Variants in INPP4B observed in about 807,000 individuals in gnomAD.
The protein encoded by INPP4B is inositol polyphosphate-4-phosphatase type II B.
Under a neutral mutation model 122.5 loss-of-function variants are expected in INPP4B, and 55 were observed. That is an observed-to-expected ratio of 0.45 (90% CI 0.36 to 0.56). The LOEUF (loss-of-function observed/expected upper bound fraction) is 0.56. INPP4B is among the 20% of genes least tolerant of loss of function. INPP4B has a pLI of 0.00. For synonymous variants in INPP4B, 403 were observed against 388.7 expected, an observed-to-expected ratio of 1.04 and a Z score of -0.43; for missense variants, 1,000 against 1,097.7, an observed-to-expected ratio of 0.91 and a Z score of 1.26.
chr4:142,346,954 C>T (rs187360431), intron 7 of INPP4B, among the ~76,000 whole-genome samples: 37 of 152,050 alleles, frequency 2.4e-4, no homozygotes, highest in Admixed American at 5.2e-4. Context: ...GGTGAAGATG[C>T]CAGGCATACT....
intron 1 of INPP4B, among the ~76,000 whole-genome samples, chr4:142,733,112 A>C (rs911290032): frequency 6.6e-6 from 1 of 152,170 alleles, no homozygotes; most frequent in African/African-American, 2.4e-5. Flanking sequence ...AATGAATTAC[A>C]TATCAATTTG....
intron 6 of INPP4B, among the ~76,000 whole-genome samples, chr4:142,404,745 G>A (rs921060755): frequency 2.6e-5 from 4 of 151,832 alleles, no homozygotes; most frequent in Non-Finnish European, 2.9e-5. Flanking sequence ...GAATACCGGG[G>A]GGAAAAAAAG....
intron 7 of INPP4B, among the ~76,000 whole-genome samples, chr4:142,358,666 A>AC (rs1225527926): frequency 6.6e-6 from 1 of 151,210 alleles, no homozygotes; most frequent in African/African-American, 2.4e-5. Context: ...AAAAAAAAAA[A>AC]AAAAACTCCC....
intron 21 of INPP4B, among the ~76,000 whole-genome samples, chr4:142,120,345 T>A (rs1796053872): frequency 6.6e-6 from 1 of 152,060 alleles, no homozygotes; most frequent in African/African-American, 2.4e-5. Flanking sequence ...AAATTTTAGG[T>A]TAGGCTTGCC....
At chr4:142,478,274 C>A (rs1404951311) in intron 2 of INPP4B, among the ~76,000 whole-genome samples, 3 of 152,130 alleles carry the variant, frequency 2.0e-5, no homozygotes, top group Non-Finnish European at 2.9e-5. Flanking sequence ...ATTTCTTTCT[C>A]TTACTTATTG....
At chr4:142,307,480 T>C (rs1459983504) in intron 8 of INPP4B, among the ~76,000 whole-genome samples, 2 of 152,220 alleles carry the variant, frequency 1.3e-5, no homozygotes, top group African/African-American at 2.4e-5. Context: ...AGGTATCTGG[T>C]ACATATTTAC....
intron 1 of INPP4B, among the ~76,000 whole-genome samples, chr4:142,804,160 T>C (rs149056903): frequency 8.7e-4 from 132 of 152,190 alleles, no homozygotes; most frequent in African/African-American, 3.1e-3. Flanking sequence ...TGACCAGATA[T>C]GGCTTATTCT....
Position 142,027,342 on chromosome 4 carries a change from C to CATA in INPP4B, c.*1437_*1439dup, listed in dbSNP as rs1240435514. The stretch of plus-strand genomic sequence containing the variant: ...GAGCTATCACATTAGCTATGGGAAG[C>CATA]ATAATATCATCCATTGATCATAGCT... On this transcript the variant is annotated 3_prime_UTR_variant, in exon 26 of 26. Coordinates refer to ENST00000262992, the MANE Select transcript of INPP4B (RefSeq NM_001101669.3). The CATA allele has an allele frequency of 1.3e-5, 2 of 152,168 alleles. No individual in the cohort carries two copies. The highest frequency in any genetic ancestry group is 2.9e-5 in the Non-Finnish European group (2 of 68,030). The allele number at this position is 152,168 out of a possible 1,614,324, so 9.4% of individuals were successfully genotyped here.
At chr4:142,557,372 G>A (rs1729440099) in intron 2 of INPP4B, among the ~76,000 whole-genome samples, 1 of 152,162 alleles carries the variant, frequency 6.6e-6, no homozygotes, top group Non-Finnish European at 1.5e-5. Context: ...CAGACTCACT[G>A]TAAAGAATTA....
chr4:142,683,998 T>C (rs2150694178), intron 2 of INPP4B, among the ~76,000 whole-genome samples: 1 of 152,088 alleles, frequency 6.6e-6, no homozygotes, highest in South Asian at 2.1e-4. Context: ...CATGGTGTGT[T>C]CCAGGACTAG....
At chr4:142,086,914 C>T (rs568101380) in intron 23 of INPP4B, among the ~76,000 whole-genome samples, 1 of 151,870 alleles carries the variant, frequency 6.6e-6, no homozygotes, top group Non-Finnish European at 1.5e-5. Flanking sequence ...CCTTTTTTTG[C>T]CATTGAGTAG....
chr4:142,459,632 G>C (rs1816290726), intron 3 of INPP4B, among the ~76,000 whole-genome samples: 1 of 152,108 alleles, frequency 6.6e-6, no homozygotes, highest in South Asian at 2.1e-4. Flanking sequence ...ATTCAGTCTG[G>C]CTAGAATCTC....
intron 1 of INPP4B, among the ~76,000 whole-genome samples, chr4:142,815,060 G>T (rs1779959879): frequency 6.6e-6 from 1 of 152,114 alleles, no homozygotes; most frequent in Non-Finnish European, 1.5e-5. Context: ...GATGTGAGGA[G>T]ACTGACATTT....
chr4:142,509,375 C>T (rs927523516), intron 2 of INPP4B, among the ~76,000 whole-genome samples: 1 of 152,138 alleles, frequency 6.6e-6, no homozygotes, highest in African/African-American at 2.4e-5. Flanking sequence ...TATCCCTCCC[C>T]TTGCCCCCCA....
chr4:142,598,923 T>G lies in INPP4B; in HGVS notation c.-191+126916A>C, dbSNP rs138691255. Reference sequence around the variant, plus strand: ...CCTGTTTGGGGCTGGGAGTGCCAAGTGCACCCTTGCTGGTTGCATGGCCTC... The same window carrying G: ...CCTGTTTGGGGCTGGGAGTGCCAAGGGCACCCTTGCTGGTTGCATGGCCTC... On this transcript the variant is annotated intron_variant, in intron 2 of 25. Coordinates refer to ENST00000262992, the MANE Select transcript of INPP4B (RefSeq NM_001101669.3). Among the ~76,000 whole-genome samples the G allele has an allele frequency of 2.7e-3, 404 of 152,282 alleles. 6 individuals carry two copies. The highest frequency in any genetic ancestry group is 0.018 in the East Asian group (94 of 5,170).
rs558145432 is a variant in INPP4B at position 142,453,316 on chromosome 4, C to G, written c.-127+9347G>C. Among the ~76,000 whole-genome samples, 3 of 152,170 alleles carry G rather than the reference C, an allele frequency of 2.0e-5. 1 individual carries two copies. Among genetic ancestry groups the G allele is most frequent in the Non-Finnish European group, 4.4e-5 (3 of 67,992 alleles). On this transcript the variant is annotated intron_variant, in intron 3 of 25. Coordinates refer to ENST00000262992, the MANE Select transcript of INPP4B (RefSeq NM_001101669.3). Reference sequence around the variant, plus strand: ...ACTAAAATTGAAGCTTTGATTATATCCTGAGGACATTTCTAATACAGACAT... The same window carrying G: ...ACTAAAATTGAAGCTTTGATTATATGCTGAGGACATTTCTAATACAGACAT...
chr4:142,266,826 C>G (rs1743047968), intron 10 of INPP4B, among the ~76,000 whole-genome samples: 1 of 151,078 alleles, frequency 6.6e-6, no homozygotes, highest in Admixed American at 6.6e-5. Context: ...AATGACACAA[C>G]CAAAAGAAAA....
At chr4:142,217,018 G>T (rs1308234591) in intron 12 of INPP4B, among the ~76,000 whole-genome samples, 1 of 152,124 alleles carries the variant, frequency 6.6e-6, no homozygotes, top group Non-Finnish European at 1.5e-5. Flanking sequence ...ACAAATTAGG[G>T]CGAGTAAATG....
intron 1 of INPP4B, among the ~76,000 whole-genome samples, chr4:142,842,373 A>C (rs752060029): frequency 6.6e-6 from 1 of 151,076 alleles, no homozygotes; most frequent in Non-Finnish European, 1.5e-5. Flanking sequence ...TGTTTGGTGA[A>C]ATTACACAGT....
Sources: allele counts gnomAD v4.1 joint callset (sites outside exome capture counted in the v4.1 genomes callset), GRCh38; gene constraint gnomAD v4.1.1; transcripts MANE v1.5; gene names NCBI Gene and HGNC (gene_info 2026-07-23, HGNC 2026-07-21).